GLRB: variants seen among roughly 807,000 people sequenced by gnomAD.
GLRB encodes glycine receptor subunit beta.
In GLRB, 33 loss-of-function variants were observed where a neutral mutation model predicts 54.2. The observed-to-expected ratio is 0.61, with a 90% CI of 0.46 to 0.81. The LOEUF is 0.81. Among genes scored for constraint, GLRB ranks in the 40% least tolerant of loss-of-function variants. GLRB has a pLI of 0.00. For synonymous variants in GLRB, 209 were observed against 208.2 expected (o/e 1.00, Z -0.03); for missense variants, 572 against 584.6 (o/e 0.98, Z 0.22).
At chr4:157,103,739 G>C (rs1323945089) in intron 2 of GLRB, among the ~76,000 whole-genome samples, 1 of 151,658 alleles carries the variant, frequency 6.6e-6, no homozygotes, top group Non-Finnish European at 1.5e-5. Context: ...TATAGTTTTC[G>C]GTGGACAAGT....
intron 9 of GLRB, among the ~76,000 whole-genome samples, chr4:157,162,924 G>A (rs953450374): frequency 1.8e-4 from 28 of 152,186 alleles, no homozygotes; most frequent in African/African-American, 6.8e-4. Flanking sequence ...AACTAGGCCT[G>A]CCCCCAGAGG....
At chr4:157,097,749 A>T (rs567735740) in intron 2 of GLRB, among the ~76,000 whole-genome samples, 5 of 152,310 alleles carry the variant, frequency 3.3e-5, no homozygotes, top group Admixed American at 3.3e-4. Context: ...AGCCGGGCAC[A>T]CTGGCTCACG....
At chr4:157,140,633 A>T (rs115984309) in intron 7 of GLRB, among the ~76,000 whole-genome samples, 11 of 151,988 alleles carry the variant, frequency 7.2e-5, no homozygotes, top group African/African-American at 2.7e-4. Context: ...TGTACACATT[A>T]GGCTAATGAA....
intron 2 of GLRB, among the ~76,000 whole-genome samples, chr4:157,085,366 A>G (rs1167048132): frequency 6.6e-6 from 1 of 152,058 alleles, no homozygotes; most frequent in African/African-American, 2.4e-5. Context: ...TTGGCCTCCT[A>G]AAGTACAGAG....
rs2126639669 is a variant in GLRB at position 157,171,647 on chromosome 4, G to T, written c.*919G>T. 1 of 152,252 alleles carries T rather than the reference G, an allele frequency of 6.6e-6. No individual in the cohort carries two copies. Among genetic ancestry groups the T allele is most frequent in the South Asian group, 2.1e-4 (1 of 4,816 alleles). 9.4% of individuals were successfully genotyped at this position (152,252 alleles called of 1,614,324 possible). A position where few individuals can be genotyped will look rare whatever the true frequency, so the allele number is the denominator to read the frequency against. On this transcript the variant is annotated 3_prime_UTR_variant, in exon 10 of 10. Transcript: ENST00000264428. ...AAAAAGAAATCCATAACTATTAAAA[G>T]ATTTTAACTTTTTTATTTTATTAAA...
chr4:157,142,882 A>G (rs1736669133), intron 7 of GLRB, among the ~76,000 whole-genome samples: 1 of 152,208 alleles, frequency 6.6e-6, no homozygotes, highest in Admixed American at 6.5e-5. Context: ...TCGGCATTAT[A>G]TATTATATTT....
chr4:157,166,325 T>C (rs1273811527), intron 9 of GLRB, among the ~76,000 whole-genome samples: 1 of 152,092 alleles, frequency 6.6e-6, no homozygotes, highest in Non-Finnish European at 1.5e-5. Flanking sequence ...GTAGGGTTAA[T>C]GTCTTGTTTA....
At chr4:157,094,099 T>A (rs1339084373) in intron 2 of GLRB, among the ~76,000 whole-genome samples, 1 of 152,222 alleles carries the variant, frequency 6.6e-6, no homozygotes, top group African/African-American at 2.4e-5. Flanking sequence ...TTGAAGTATG[T>A]ATAATATGCA....
rs150235682 is a variant in GLRB, at chr4:157,156,751, T to G, written c.1197+3741T>G. 5.6e-4 allele frequency among the ~76,000 whole-genome samples: 85 copies of G among 152,350 alleles called. No individual in the cohort carries two copies. In the East Asian group the frequency reaches 0.015, roughly 26 times the overall value. On this transcript the variant is annotated intron_variant, in intron 9 of 9. Transcript: ENST00000264428. ...TTTTATCATGAATGTTGTAATATCT[T>G]TCTCAGATTTCTCAGAATTCTCAGA... is the stretch of plus-strand genomic sequence containing the variant.
At position 157,164,407 on chromosome 4, in the gene GLRB, T is replaced by A. The variant is rs186012686; in HGVS notation, c.1198-6025T>A. On this transcript the variant is annotated intron_variant, in intron 9 of 9. Transcript: ENST00000264428. The stretch of plus-strand genomic sequence containing the variant: ...TTGACACTTGTTATCTACTCCTCGA[T>A]TTACATCTCCCTATCTTTTACCACT... Among the ~76,000 whole-genome samples, 16 of 152,274 alleles carry A rather than the reference T, an allele frequency of 1.1e-4. No individual in the cohort carries two copies. In the East Asian group the frequency reaches 3.1e-3, roughly 30 times the overall value.
chr4:157,166,495 G>A (rs997610445), intron 9 of GLRB, among the ~76,000 whole-genome samples: 3 of 152,014 alleles, frequency 2.0e-5, no homozygotes, highest in Non-Finnish European at 4.4e-5. Flanking sequence ...GGGGCAAGGA[G>A]ACTAGCCAAC....
chr4:157,110,463 T>C (rs1735377338), intron 2 of GLRB, among the ~76,000 whole-genome samples: 1 of 152,018 alleles, frequency 6.6e-6, no homozygotes, highest in Non-Finnish European at 1.5e-5. Context: ...TATTATATTC[T>C]TCAGCTTCAA....
intron 9 of GLRB, among the ~76,000 whole-genome samples, chr4:157,166,592 T>C (rs1737717630): frequency 6.6e-6 from 1 of 152,084 alleles, no homozygotes; most frequent in Admixed American, 6.5e-5. Flanking sequence ...TATGTCATTA[T>C]CATTAAAAAT....
At chr4:157,168,079 A>G (rs968996573) in intron 9 of GLRB, among the ~76,000 whole-genome samples, 1 of 151,688 alleles carries the variant, frequency 6.6e-6, no homozygotes, top group African/African-American at 2.4e-5. Flanking sequence ...TGAAATTTGG[A>G]GGAGACAAAT....
chr4:157,137,134 C>G (rs1017235094), intron 6 of GLRB, among the ~76,000 whole-genome samples: 1 of 151,978 alleles, frequency 6.6e-6, no homozygotes, highest in Non-Finnish European at 1.5e-5. Context: ...TTCTAACATT[C>G]CAGTTGCCAT....
intron 8 of GLRB, among the ~76,000 whole-genome samples, chr4:157,146,180 C>T (rs1736800554): frequency 6.6e-6 from 1 of 151,914 alleles, no homozygotes. Context: ...CCATGCCCAG[C>T]TAATTTTTGT....
chr4:157,105,326 T>C (rs1238638877), intron 2 of GLRB, among the ~76,000 whole-genome samples: 1 of 152,048 alleles, frequency 6.6e-6, no homozygotes, highest in African/African-American at 2.4e-5. Context: ...TGTGTCAACT[T>C]TTCAGCTTTC....
In GLRB at chr4:157,089,429, G is replaced by A. The variant is rs141101391; in HGVS notation, c.122+11283G>A. ...CAAAGAAATAAGTAAATGAAGATAC[G>A]AATTTTATTATTTTAAAACAAATAT... On this transcript the variant is annotated intron_variant, in intron 2 of 9. Transcript: ENST00000264428. Among the ~76,000 whole-genome samples, 148 of 152,158 alleles carry A rather than the reference G, an allele frequency of 9.7e-4. 1 individual carries two copies. Among genetic ancestry groups the A allele is most frequent in the Middle Eastern group, 6.8e-3 (2 of 292 alleles).
At chr4:157,089,738 G>T (rs751667325) in intron 2 of GLRB, among the ~76,000 whole-genome samples, 2 of 152,048 alleles carry the variant, frequency 1.3e-5, no homozygotes, top group Non-Finnish European at 2.9e-5. Context: ...ATCTATGATT[G>T]CTTCTATATC....
Sources: gnomAD v4.1 joint callset for allele counts (sites outside exome capture counted in the v4.1 genomes callset) on GRCh38, gnomAD v4.1.1 for gene constraint, MANE v1.5 for transcripts, NCBI Gene and HGNC (gene_info 2026-07-23, HGNC 2026-07-21) for gene names.